PUDP: variants seen among roughly 807,000 people sequenced by gnomAD.
PUDP encodes the protein pseudouridine 5'-phosphatase.
PUDP carries 8 observed loss-of-function variants against 9.4 expected under a neutral mutation model. The observed-to-expected ratio is 0.85, with a 90% CI of 0.50 to 1.53. PUDP has a LOEUF of 1.53. Among genes scored for constraint, PUDP ranks in the 40% most tolerant of loss-of-function variants. The pLI, the probability that PUDP is intolerant of heterozygous loss-of-function variation, is 0.00. For missense variants in PUDP, 188 were observed against 189.7 expected (o/e 0.99, Z 0.05); for synonymous variants, 99 against 80.7 (o/e 1.23, Z -1.22).
rs57612819 is a variant in PUDP at position 7,142,641 on chromosome X, AT to A, written c.61+5411del. 7.8e-4 allele frequency among the ~76,000 whole-genome samples: 63 copies of A among 80,920 alleles called. 1 individual carries two copies. Among genetic ancestry groups the A allele is most frequent in the African/African-American group, 1.7e-3 (35 of 20,626 alleles). 70.3% of individuals were successfully genotyped at this position (80,920 alleles called of 115,157 possible). A position where few individuals can be genotyped will look rare whatever the true frequency, so the allele number is the denominator to read the frequency against. On this transcript the variant is annotated intron_variant, in intron 1 of 3. Transcript: ENST00000381077. ...AGCAGCAGAGTTTGAGAGGACTCCA[AT>A]TTTTTTTTTTTTTTTTTTTTGAGAC...
At chrX:6,805,331 G>A (rs979635863) in intron 3 of PUDP, among the ~76,000 whole-genome samples, 2 of 110,441 alleles carry the variant, frequency 1.8e-5, no homozygotes, top group Admixed American at 1.9e-4. Context: ...GTTTACTGAA[G>A]GGTAAGTAGA....
chrX:6,968,531 G>A lies in PUDP; in HGVS notation c.*247+8602C>T, dbSNP rs556683500. ...ATGGTGGGGCCGATCGTCTCTCTGCGGGAGAGTTTGGTGTCACCATCATCT... is the reference window on the plus strand; with the variant it reads ...ATGGTGGGGCCGATCGTCTCTCTGCAGGAGAGTTTGGTGTCACCATCATCT... On this transcript the variant is annotated intron_variant and NMD_transcript_variant, in intron 3 of 3. Transcript: ENST00000655425. 1.1e-4 allele frequency among the ~76,000 whole-genome samples: 12 copies of A among 111,347 alleles called. No homozygotes were observed. In the South Asian group the frequency reaches 4.6e-3, roughly 43 times the overall value.
intron 3 of PUDP, among the ~76,000 whole-genome samples, chrX:6,728,800 C>G (rs1240878682): frequency 9.0e-6 from 1 of 111,620 alleles, no homozygotes; most frequent in Non-Finnish European, 1.9e-5. Flanking sequence ...ATTCCAATGT[C>G]CTTGGATTTT....
intron 3 of PUDP, among the ~76,000 whole-genome samples, chrX:6,967,889 T>C (rs1163748020): frequency 8.9e-6 from 1 of 111,902 alleles, no homozygotes; most frequent in Non-Finnish European, 1.9e-5. Flanking sequence ...AAAACCCCCA[T>C]TCCAGAGAGG....
intron 3 of PUDP, among the ~76,000 whole-genome samples, chrX:6,764,179 T>A (rs1485684448): frequency 9.0e-6 from 1 of 111,528 alleles, no homozygotes; most frequent in African/African-American, 3.3e-5. Flanking sequence ...GGCAGAGAGA[T>A]CCCTGCTAAG....
chrX:6,753,706 G>C (rs1426952903), intron 3 of PUDP, among the ~76,000 whole-genome samples: 2 of 111,638 alleles, frequency 1.8e-5, no homozygotes, highest in African/African-American at 6.5e-5. Context: ...GTTTTGATTT[G>C]CATTTCCCTG....
intron 3 of PUDP, among the ~76,000 whole-genome samples, chrX:6,737,272 G>A: frequency 8.9e-6 from 1 of 112,515 alleles, no homozygotes. Context: ...ATTTCTGTTG[G>A]TTTTAAACCA....
chrX:6,711,453 C>T (rs1335609029), intron 1 of PUDP, among the ~76,000 whole-genome samples: 1 of 111,033 alleles, frequency 9.0e-6, no homozygotes, highest in Non-Finnish European at 1.9e-5. Flanking sequence ...CAGAGGATTT[C>T]TTTACGGCCA....
chrX:7,131,931 C>A (rs1307662974), intron 1 of PUDP, among the ~76,000 whole-genome samples: 1 of 109,807 alleles, frequency 9.1e-6, no homozygotes, highest in Admixed American at 9.8e-5. Flanking sequence ...ACTCCCCAAC[C>A]CTTCCGGTGG....
Position 6,728,007 on chromosome X carries a change from C to G in PUDP, c.*248-21541G>C, listed in dbSNP as rs767288128. Among the ~76,000 whole-genome samples the G allele has an allele frequency of 3.0e-3, 333 of 111,506 alleles. 1 individual carries two copies. The highest frequency in any genetic ancestry group is 9.9e-3 in the African/African-American group (305 of 30,720). ...TTTCATGCTGCTAATAAAGACATACCTGAGACTGGGGAATTTATAAAGAAA... is the reference window on the plus strand; with the variant it reads ...TTTCATGCTGCTAATAAAGACATACGTGAGACTGGGGAATTTATAAAGAAA... On this transcript the variant is annotated intron_variant and NMD_transcript_variant, in intron 3 of 3. Transcript: ENST00000655425.
chrX:6,959,437 A>G (rs1427311769), intron 3 of PUDP, among the ~76,000 whole-genome samples: 1 of 112,252 alleles, frequency 8.9e-6, no homozygotes, highest in East Asian at 2.8e-4. Flanking sequence ...GGCACAAGTC[A>G]TGAACCTTGG....
chrX:7,110,727 TAC>T (rs1435390817), intron 1 of PUDP, among the ~76,000 whole-genome samples: 2 of 104,576 alleles, frequency 1.9e-5, no homozygotes, highest in Non-Finnish European at 3.9e-5. Flanking sequence ...AGTGGAAAAT[TAC>T]AGTTAAAGGG....
chrX:6,825,292 C>T (rs1165197222), intron 3 of PUDP, among the ~76,000 whole-genome samples: 1 of 111,553 alleles, frequency 9.0e-6, no homozygotes, highest in African/African-American at 3.3e-5. Flanking sequence ...AAATGAAAAT[C>T]ACACATCACC....
At chrX:7,035,145 G>A (rs971954660) in intron 1 of PUDP, among the ~76,000 whole-genome samples, 1 of 111,664 alleles carries the variant, frequency 9.0e-6, no homozygotes, top group Non-Finnish European at 1.9e-5. Flanking sequence ...CCCACCTTCT[G>A]TATAGAAGTT....
At chrX:6,755,482 A>G (rs1925158809) in intron 3 of PUDP, among the ~76,000 whole-genome samples, 3 of 112,252 alleles carry the variant, frequency 2.7e-5, no homozygotes, top group South Asian at 3.7e-4. Context: ...TCTTCTCTCA[A>G]TGTATTCATA....
At chrX:6,932,101 A>G (rs868360402) in intron 3 of PUDP, among the ~76,000 whole-genome samples, 1 of 111,837 alleles carries the variant, frequency 8.9e-6, no homozygotes, top group African/African-American at 3.2e-5. Context: ...TGCACCATAC[A>G]TAAGTTAAGT....
chrX:6,862,694 A>G (rs981599701), intron 3 of PUDP, among the ~76,000 whole-genome samples: 9 of 112,023 alleles, frequency 8.0e-5, no homozygotes, highest in Admixed American at 6.6e-4. Context: ...CATGAAGCAC[A>G]GCCATTACTA....
intron 1 of PUDP, among the ~76,000 whole-genome samples, chrX:7,012,903 T>C (rs1929497640): frequency 9.0e-6 from 1 of 110,979 alleles, no homozygotes; most frequent in African/African-American, 3.3e-5. Context: ...AGAAAGGTCA[T>C]TTGTGAAAAT....
At chrX:6,907,162 C>T (rs1360368165) in intron 3 of PUDP, among the ~76,000 whole-genome samples, 2 of 110,845 alleles carry the variant, frequency 1.8e-5, no homozygotes, top group Non-Finnish European at 3.8e-5. Flanking sequence ...ATTCTCATAA[C>T]AGTGAGTGAG....
Sources: gnomAD v4.1 joint callset for allele counts (sites outside exome capture counted in the v4.1 genomes callset) on GRCh38, gnomAD v4.1.1 for gene constraint, MANE v1.5 for transcripts, NCBI Gene and HGNC (gene_info 2026-07-23, HGNC 2026-07-21) for gene names.